The following EDIL3 variants were observed in gnomAD, a reference collection of about 807,000 sequenced individuals.
EDIL3 encodes the protein EGF-like repeat and discoidin I-like domain-containing protein 3.
A neutral mutation model predicts 67.4 loss-of-function variants in EDIL3; 37 were observed. The observed-to-expected ratio is 0.55, with a 90% CI of 0.42 to 0.72. The LOEUF (loss-of-function observed/expected upper bound fraction) is 0.72, where lower values mean the gene tolerates loss of function less well. Ranked by LOEUF, EDIL3 falls within the 30% of genes least tolerant of loss-of-function variation. The pLI, the probability that EDIL3 is intolerant of heterozygous loss-of-function variation, is 0.00. For missense variants in EDIL3, 527 were observed against 586.3 expected, an observed-to-expected ratio of 0.90 and a Z score of 1.04; for synonymous variants, 195 against 196.3, an observed-to-expected ratio of 0.99 and a Z score of 0.05.
At chr5:84,174,756 G>A (rs1243852938) in intron 4 of EDIL3, among the ~76,000 whole-genome samples, 3 of 152,256 alleles carry the variant, frequency 2.0e-5, no homozygotes, top group South Asian at 2.1e-4. Context: ...TGGGCCTGCC[G>A]TGGCATGTAC....
chr5:84,347,739 A>G (rs544531377), intron 1 of EDIL3, among the ~76,000 whole-genome samples: 2 of 152,350 alleles, frequency 1.3e-5, no homozygotes, highest in Admixed American at 1.3e-4. Flanking sequence ...CCTTGAAGGT[A>G]GAGAGGTATA....
rs773035274 is a variant in EDIL3, at chr5:84,262,659, G to GTTTTTTTTTTTTTTTTTTTTTTT, written c.68-8470_68-8448dup. ...AAACTACAATTCCCAAGGTTGGTTG[G>GTTTTTTTTTTTTTTTTTTTTTTT]TTTTTTTTTTTTTTTTTTTTTTTTT... On this transcript the variant is annotated intron_variant, in intron 1 of 10. Coordinates refer to ENST00000296591, the MANE Select transcript of EDIL3 (RefSeq NM_005711.5). 1.9e-3 allele frequency among the ~76,000 whole-genome samples: 89 copies of GTTTTTTTTTTTTTTTTTTTTTTT among 46,316 alleles called. 24 individuals are homozygous for GTTTTTTTTTTTTTTTTTTTTTTT. Among genetic ancestry groups the GTTTTTTTTTTTTTTTTTTTTTTT allele is most frequent in the Admixed American group, 2.2e-3 (5 of 2,256 alleles). The allele number at this position is 46,316 out of a possible 152,430, so 30.4% of individuals were successfully genotyped here. A position where few individuals can be genotyped will look rare whatever the true frequency, so the allele number is the denominator to read the frequency against.
chr5:84,157,457 G>A (rs1338469454), intron 4 of EDIL3, among the ~76,000 whole-genome samples: 1 of 152,018 alleles, frequency 6.6e-6, no homozygotes, highest in Non-Finnish European at 1.5e-5. Context: ...GGACCATGGT[G>A]TAATTGAAAA....
At chr5:84,068,754 G>A (rs1007384036) in intron 6 of EDIL3, among the ~76,000 whole-genome samples, 1 of 152,090 alleles carries the variant, frequency 6.6e-6, no homozygotes, top group Non-Finnish European at 1.5e-5. Flanking sequence ...GTAATTACAG[G>A]TTTTAAACTT....
chr5:84,321,606 T>G lies in EDIL3; in HGVS notation c.67+62702A>C, dbSNP rs950856608. ...AACCCTCATCCTTCTGACGGAAAAA[T>G]GTGCAGGGATTAGAAGAGCAGCTTG... is the stretch of plus-strand genomic sequence containing the variant. On this transcript the variant is annotated intron_variant, in intron 1 of 10. Coordinates refer to ENST00000296591, the MANE Select transcript of EDIL3 (RefSeq NM_005711.5). Among the ~76,000 whole-genome samples, 3 of 152,148 alleles carry G rather than the reference T, an allele frequency of 2.0e-5. No individual in the cohort carries two copies. In the South Asian group the frequency reaches 6.2e-4, roughly 31 times the overall value.
chr5:84,361,121 G>C (rs1256808472), intron 1 of EDIL3, among the ~76,000 whole-genome samples: 1 of 152,002 alleles, frequency 6.6e-6, no homozygotes, highest in Non-Finnish European at 1.5e-5. Context: ...AAAAAAGACA[G>C]ACAAGCGATG....
At chr5:84,354,021 C>T (rs1747420030) in intron 1 of EDIL3, among the ~76,000 whole-genome samples, 1 of 152,144 alleles carries the variant, frequency 6.6e-6, no homozygotes, top group Admixed American at 6.5e-5. Flanking sequence ...CCATGAGAAA[C>T]TTCATAACTC....
At chr5:84,046,715 A>C (rs1746230372) in intron 9 of EDIL3, among the ~76,000 whole-genome samples, 1 of 152,234 alleles carries the variant, frequency 6.6e-6, no homozygotes, top group African/African-American at 2.4e-5. Flanking sequence ...GAGAATGGTT[A>C]CCATTCTTAC....
chr5:84,308,468 G>A (rs1746316235), intron 1 of EDIL3, among the ~76,000 whole-genome samples: 2 of 152,150 alleles, frequency 1.3e-5, no homozygotes, highest in Admixed American at 1.3e-4. Context: ...CTAGTCTGCT[G>A]TACAGCAGTT....
intron 3 of EDIL3, among the ~76,000 whole-genome samples, chr5:84,186,264 T>C (rs955922719): frequency 1.3e-5 from 2 of 152,066 alleles, no homozygotes; most frequent in African/African-American, 2.4e-5. Flanking sequence ...CTAGAGCATA[T>C]AGTGTTGCTT....
At chr5:84,072,489 A>C (rs1382352020) in intron 6 of EDIL3, among the ~76,000 whole-genome samples, 1 of 152,192 alleles carries the variant, frequency 6.6e-6, no homozygotes, top group Non-Finnish European at 1.5e-5. Flanking sequence ...AGGCATGTTT[A>C]TATCTATGAG....
Position 84,099,615 on chromosome 5 carries a change from C to T in EDIL3, c.651+7034G>A, listed in dbSNP as rs192399438. 5.3e-3 allele frequency among the ~76,000 whole-genome samples: 813 copies of T among 152,144 alleles called. 4 individuals are homozygous for T. The highest frequency in any genetic ancestry group is 0.014 in the Middle Eastern group (4 of 294). ...AAGACTTAAACATAAGACCTTAAAACCATAAAAATCCTAGAAGAAAACCTA... is the reference window on the plus strand; with the variant it reads ...AAGACTTAAACATAAGACCTTAAAATCATAAAAATCCTAGAAGAAAACCTA... On this transcript the variant is annotated intron_variant, in intron 6 of 10. Coordinates refer to ENST00000296591, the MANE Select transcript of EDIL3 (RefSeq NM_005711.5).
chr5:84,201,165 C>T (rs1743823587), intron 3 of EDIL3, among the ~76,000 whole-genome samples: 1 of 151,876 alleles, frequency 6.6e-6, no homozygotes, highest in Non-Finnish European at 1.5e-5. Context: ...AAACAACTGG[C>T]TTATAATCCA....
At chr5:84,258,428 A>C (rs996857521) in intron 1 of EDIL3, among the ~76,000 whole-genome samples, 2 of 152,132 alleles carry the variant, frequency 1.3e-5, no homozygotes, top group African/African-American at 4.8e-5. Context: ...TCACACAGGG[A>C]GCTCCAGAGC....
chr5:84,088,715 T>C (rs978520238), intron 6 of EDIL3, among the ~76,000 whole-genome samples: 10 of 152,022 alleles, frequency 6.6e-5, no homozygotes, highest in African/African-American at 2.4e-4. Flanking sequence ...TGACAGGCTA[T>C]TTGTGGGGGG....
intron 9 of EDIL3, among the ~76,000 whole-genome samples, chr5:84,007,968 C>A (rs138401877): frequency 6.6e-6 from 1 of 152,244 alleles, no homozygotes; most frequent in East Asian, 1.9e-4. Flanking sequence ...GATACCCTGT[C>A]ATTTGCATTA....
At chr5:84,343,475 T>A (rs1422823282) in intron 1 of EDIL3, among the ~76,000 whole-genome samples, 1 of 152,024 alleles carries the variant, frequency 6.6e-6, no homozygotes, top group Non-Finnish European at 1.5e-5. Flanking sequence ...AGGGGAGAAA[T>A]AAATTTTCTA....
At chr5:84,064,566 A>C (rs1305873858) in intron 8 of EDIL3, 134 bp downstream of exon 8, 1 of 1,130,570 alleles carries the variant, frequency 8.8e-7, no homozygotes, top group African/African-American at 1.6e-5. Context: ...TTTTCCCTGA[A>C]CCATGTTGTA....
In EDIL3 at chr5:84,383,298, T is replaced by C. The variant is rs370760424; in HGVS notation, c.67+1010A>G. ...CACACCCTGCTGCCCCCGCTGCCCT[T>C]TTCCGGCGACTACTTCAGCCCCGGC... On this transcript the variant is annotated intron_variant, in intron 1 of 10. Coordinates refer to ENST00000296591, the MANE Select transcript of EDIL3 (RefSeq NM_005711.5). 2.6e-5 allele frequency among the ~76,000 whole-genome samples: 4 copies of C among 152,008 alleles called. No individual in the cohort carries two copies. The East Asian group carries it at 7.8e-4, about 30-fold the overall frequency.
Sources: gnomAD v4.1 joint callset for allele counts (sites outside exome capture counted in the v4.1 genomes callset) on GRCh38, gnomAD v4.1.1 for gene constraint, MANE v1.5 for transcripts, NCBI Gene and HGNC (gene_info 2026-07-23, HGNC 2026-07-21) for gene names.